The following ARAP2 variants were observed in gnomAD, a reference collection of about 807,000 sequenced individuals.
ARAP2 encodes the protein ArfGAP with RhoGAP domain, ankyrin repeat and PH domain 2.
ARAP2 carries 148 observed loss-of-function variants against 194.5 expected under a neutral mutation model. The observed-to-expected ratio is 0.76, with a 90% confidence interval of 0.67 to 0.87. ARAP2 has a LOEUF of 0.87. ARAP2 is among the 40% of genes least tolerant of loss of function. ARAP2 has a pLI of 0.00. For synonymous variants in ARAP2, 695 were observed against 683.5 expected (o/e 1.02, Z -0.26); for missense variants, 2,128 against 1,989.7 (o/e 1.07, Z -1.32).
At chr4:36,186,366 A>G (rs191151734) in intron 8 of ARAP2, among the ~76,000 whole-genome samples, 3 of 152,328 alleles carry the variant, frequency 2.0e-5, no homozygotes, top group South Asian at 2.1e-4. Flanking sequence ...ACACATTTAA[A>G]CTCAATCCAG....
chr4:36,126,243 C>T (rs1051484584), intron 21 of ARAP2, among the ~76,000 whole-genome samples: 1 of 151,984 alleles, frequency 6.6e-6, no homozygotes, highest in Non-Finnish European at 1.5e-5. Context: ...TCGCGTTATC[C>T]AGTTTCTAAC....
intron 10 of ARAP2, chr4:36,005,715 T>A (rs1194017788): frequency 6.6e-6 from 1 of 152,202 alleles, no homozygotes; most frequent in Non-Finnish European, 1.5e-5. Context: ...TAGTAAATCA[T>A]GTCTTTCACA....
At chr4:36,093,383 C>T (rs981358780) in intron 27 of ARAP2, among the ~76,000 whole-genome samples, 3 of 151,796 alleles carry the variant, frequency 2.0e-5, no homozygotes, top group Non-Finnish European at 2.9e-5. Context: ...AAAGAAATAA[C>T]AGGAGAAAAC....
rs1200917880 is a variant in ARAP2 at position 36,117,148 on chromosome 4, A to C, written c.3964-13T>G. The C allele has an allele frequency of 1.3e-6, 2 of 1,575,756 alleles. No individual in the cohort carries two copies. The highest frequency in any genetic ancestry group is 1.7e-6 in the Non-Finnish European group (2 of 1,159,668). Reference sequence around the variant, plus strand: ...CAGCCTGGGAAACCTAGAAAAGGGCAGAGGTAGAAACAACACAGATAAACA... The same window carrying C: ...CAGCCTGGGAAACCTAGAAAAGGGCCGAGGTAGAAACAACACAGATAAACA... On this transcript the variant is annotated splice_polypyrimidine_tract_variant and intron_variant, in intron 24 of 32. Coordinates refer to ENST00000303965, the MANE Select transcript of ARAP2 (RefSeq NM_015230.4).
At chr4:36,217,938 CA>C (rs1748335134) in intron 2 of ARAP2, among the ~76,000 whole-genome samples, 1 of 149,988 alleles carries the variant, frequency 6.7e-6, no homozygotes. Flanking sequence ...CAACCCTAAT[CA>C]AAACAGTTAC....
chr4:36,221,501 G>A (rs905062005), intron 2 of ARAP2, among the ~76,000 whole-genome samples: 2 of 151,664 alleles, frequency 1.3e-5, no homozygotes, highest in African/African-American at 4.8e-5. Flanking sequence ...CAGGACCTAA[G>A]CCACAATGCT....
intron 4 of ARAP2, among the ~76,000 whole-genome samples, chr4:36,212,859 T>C (rs1000386212): frequency 2.1e-4 from 32 of 152,132 alleles, no homozygotes; most frequent in African/African-American, 7.7e-4. Flanking sequence ...GAATGAGTGA[T>C]AAACTAAATA....
intron 6 of ARAP2, chr4:36,019,060 T>C (rs1201984159): frequency 6.7e-6 from 1 of 149,628 alleles, no homozygotes; most frequent in Non-Finnish European, 1.5e-5. Flanking sequence ...TGAATTTATG[T>C]CCTAACTAAT....
chr4:36,105,053 T>TTA (rs1718011895), intron 27 of ARAP2, among the ~76,000 whole-genome samples: 1 of 151,904 alleles, frequency 6.6e-6, no homozygotes, highest in Non-Finnish European at 1.5e-5. Flanking sequence ...TACTGACATT[T>TTA]TACTCCAAAG....
chr4:36,188,465 T>A (rs1456663276), intron 7 of ARAP2, among the ~76,000 whole-genome samples: 1 of 152,150 alleles, frequency 6.6e-6, no homozygotes, highest in Non-Finnish European at 1.5e-5. Flanking sequence ...ACAAACATGG[T>A]GGTATTTAAA....
chr4:36,033,806 T>A (rs1719425259), intron 5 of ARAP2, among the ~76,000 whole-genome samples: 1 of 152,152 alleles, frequency 6.6e-6, no homozygotes, highest in Non-Finnish European at 1.5e-5. Context: ...CTTTTATCCA[T>A]CTTGAGTTGA....
At chr4:36,026,866 C>T (rs1354241063) in intron 5 of ARAP2, among the ~76,000 whole-genome samples, 1 of 152,208 alleles carries the variant, frequency 6.6e-6, no homozygotes, top group Non-Finnish European at 1.5e-5. Flanking sequence ...TTGTCACGTG[C>T]GCCAGCAGGG....
intron 15 of ARAP2, among the ~76,000 whole-genome samples, chr4:36,155,391 C>T (rs1732012566): frequency 6.6e-6 from 1 of 152,154 alleles, no homozygotes. Context: ...AGAGGCCTCA[C>T]TAACTAGGGG....
chr4:36,081,432 G>A (rs945583198), intron 30 of ARAP2, among the ~76,000 whole-genome samples: 6 of 152,248 alleles, frequency 3.9e-5, no homozygotes, highest in African/African-American at 1.2e-4. Context: ...CAAGGAATGC[G>A]TGGTGAATAA....
intron 32 of ARAP2, among the ~76,000 whole-genome samples, chr4:36,069,336 A>T (rs1004898123): frequency 1.3e-5 from 2 of 152,212 alleles, no homozygotes; most frequent in Non-Finnish European, 2.9e-5. Flanking sequence ...ATTTATAGGA[A>T]GAAATGTTTA....
intron 8 of ARAP2, among the ~76,000 whole-genome samples, chr4:36,179,892 T>A (rs530933146): frequency 6.6e-6 from 1 of 152,356 alleles, no homozygotes; most frequent in South Asian, 2.1e-4. Flanking sequence ...AACAGTTGAT[T>A]GTGTCTTTAA....
intron 2 of ARAP2, 87 bp downstream of exon 2, chr4:36,228,495 G>A: frequency 7.3e-7 from 1 of 1,369,176 alleles, no homozygotes; most frequent in East Asian, 2.3e-5. Flanking sequence ...GTCAAATTTA[G>A]ATAGGAACAC....
intron 5 of ARAP2, among the ~76,000 whole-genome samples, 180 bp from the exon 6 acceptor site, chr4:36,210,923 T>G (rs1746616130): frequency 6.6e-6 from 1 of 152,186 alleles, no homozygotes; most frequent in African/African-American, 2.4e-5. Context: ...TAAAATTATT[T>G]CATTAACCTA....
At chr4:36,232,234 C>T (rs1455645156) in intron 1 of ARAP2, among the ~76,000 whole-genome samples, 1 of 152,212 alleles carries the variant, frequency 6.6e-6, no homozygotes, top group Non-Finnish European at 1.5e-5. Flanking sequence ...CTGCTTTTGC[C>T]ATGGTTCCGA....
Sources: gnomAD v4.1 joint callset for allele counts (sites outside exome capture counted in the v4.1 genomes callset) on GRCh38, gnomAD v4.1.1 for gene constraint, MANE v1.5 for transcripts, NCBI Gene and HGNC (gene_info 2026-07-23, HGNC 2026-07-21) for gene names.